The following GDF10 variants were observed in gnomAD, a reference collection of about 807,000 sequenced individuals.
GDF10 encodes the protein growth/differentiation factor 10.
Under a neutral mutation model 32.1 loss-of-function variants are expected in GDF10, and 23 were observed. The ratio of observed to expected loss-of-function variants is 0.72; its 90% CI spans 0.52 to 1.02. The LOEUF (loss-of-function observed/expected upper bound fraction) is 1.02. Ranked by LOEUF, GDF10 falls within the 50% of genes least tolerant of loss-of-function variation. The pLI is 0.00. For synonymous variants in GDF10, 328 were observed against 303.1 expected (o/e 1.08, Z -0.85); for missense variants, 764 against 673.9 (o/e 1.13, Z -1.48).
At chr10:47,301,405 C>T (rs1370600395) in intron 1 of GDF10, among the ~76,000 whole-genome samples, 5 of 152,234 alleles carry the variant, frequency 3.3e-5, no homozygotes, top group Admixed American at 6.5e-5. Context: ...CCCTAGCTGG[C>T]GTCAGCTATG....
At chr10:47,304,295 A>G (rs2061014708) in intron 1 of GDF10, among the ~76,000 whole-genome samples, 1 of 152,118 alleles carries the variant, frequency 6.6e-6, no homozygotes, top group Non-Finnish European at 1.5e-5. Context: ...TTGTTCCCCC[A>G]TAGGCAATGG....
intron 1 of GDF10, among the ~76,000 whole-genome samples, chr10:47,306,789 G>A (rs2061024442): frequency 6.6e-6 from 1 of 152,146 alleles, no homozygotes; most frequent in African/African-American, 2.4e-5. Context: ...GAAGGTGGAA[G>A]GAAGCGTGAG....
chr10:47,301,235 G>C (rs1417518762), intron 1 of GDF10, among the ~76,000 whole-genome samples: 1 of 152,234 alleles, frequency 6.6e-6, no homozygotes, highest in African/African-American at 2.4e-5. Context: ...CATACACAAG[G>C]CTGTAAGCAC....
chr10:47,307,812 A>G (rs762218812), intron 1 of GDF10, among the ~76,000 whole-genome samples: 1 of 152,378 alleles, frequency 6.6e-6, no homozygotes, highest in South Asian at 2.1e-4. Context: ...TATTTGGATC[A>G]GTGAATGCAA....
chr10:47,309,647 G>T lies in GDF10; in HGVS notation c.320-149G>T, dbSNP rs539992806. 711 of 622,974 alleles carry T rather than the reference G, an allele frequency of 1.1e-3. 3 individuals are homozygous for T. Among genetic ancestry groups the T allele is most frequent in the South Asian group, 3.2e-3 (166 of 51,566 alleles). The allele number at this position is 622,974 out of a possible 1,614,324, so 38.6% of individuals were successfully genotyped here. On this transcript the variant is annotated intron_variant, in intron 1 of 2. Coordinates refer to ENST00000580279, the MANE Select transcript of GDF10 (RefSeq NM_004962.5). The stretch of plus-strand genomic sequence containing the variant: ...GGCGCCCTCATCAGTTTCATGTGAG[G>T]ATTACACGAAAGGAGGGAAGCAAAG...
In GDF10 at chr10:47,300,795, C is replaced by A; in HGVS notation, c.144C>A (p.Asp48Glu). Reference protein sequence around the residue: ...PAWSALPAAADGLQGDRDLQR... With the variant: ...PAWSALPAAAEGLQGDRDLQR... ...GGTCCGCACTGCCCGCGGCCGCCGA[C>A]GGCCTGCAGGGGGACAGGGATCTCC... Residue 48 changes from aspartate (D) to glutamate (E), a missense_variant, in exon 1 of 3, where the codon GAC (aspartate) becomes GAA (glutamate). Coordinates refer to ENST00000580279, the MANE Select transcript of GDF10 (RefSeq NM_004962.5). The A allele has an allele frequency of 7.0e-6, 11 of 1,567,022 alleles. No individual in the cohort carries two copies. The highest frequency in any genetic ancestry group is 8.6e-6 in the Non-Finnish European group (10 of 1,162,044).
chr10:47,300,818 T>A lies in GDF10; in HGVS notation c.167T>A (p.Leu56His). Residue 56 changes from leucine to histidine, a missense_variant, in exon 1 of 3, where the codon CTC becomes CAC. Leu to His is a moderately conservative substitution (Grantham distance 99, BLOSUM62 -3). Coordinates refer to ENST00000580279, the MANE Select transcript of GDF10 (RefSeq NM_004962.5). ...AADGLQGDRD[L>H]QRHPGDAAAT... ...GACGGCCTGCAGGGGGACAGGGATC[T>A]CCAGCGGCACCCTGGGGACGCGGCC... 1 of 1,571,878 alleles carries A rather than the reference T, an allele frequency of 6.4e-7. No individual in the cohort carries two copies. Among genetic ancestry groups the A allele is most frequent in the East Asian group, 2.3e-5 (1 of 43,014 alleles).
At chr10:47,302,912 G>C (rs1319652689) in intron 1 of GDF10, among the ~76,000 whole-genome samples, 1 of 152,222 alleles carries the variant, frequency 6.6e-6, no homozygotes, top group Non-Finnish European at 1.5e-5. Context: ...AGCTGTACCA[G>C]CTACCAGGTG....
Position 47,300,561 on chromosome 10 carries a change from C to G in GDF10, c.-91C>G. 4.8e-6 allele frequency: 6 copies of G among 1,244,638 alleles called. No homozygotes were observed. Among genetic ancestry groups the G allele is most frequent in the Non-Finnish European group, 5.5e-6 (5 of 915,840 alleles). 77.1% of individuals were successfully genotyped at this position (1,244,638 alleles called of 1,614,324 possible). ...GCTGCCCGGGCTCTCCCCGCGCGCC[C>G]TACTGCCGCGAGGTCAGTCCGCAGC... is the stretch of plus-strand genomic sequence containing the variant. On this transcript the variant is annotated 5_prime_UTR_variant, in exon 1 of 3. Coordinates refer to ENST00000580279, the MANE Select transcript of GDF10 (RefSeq NM_004962.5).
intron 1 of GDF10, 34 bp downstream of exon 1, chr10:47,301,004 C>G (rs1555206816): frequency 7.5e-7 from 1 of 1,332,512 alleles, no homozygotes; most frequent in Admixed American, 3.0e-5. Flanking sequence ...CCCTTCTCCT[C>G]ATTCTCCACC....
intron 2 of GDF10, among the ~76,000 whole-genome samples, chr10:47,310,948 CTTGG>C (rs546003143): frequency 3.5e-4 from 53 of 152,294 alleles, no homozygotes; most frequent in African/African-American, 1.3e-3. Flanking sequence ...GAAGTATTGG[CTTGG>C]TTGAATTGGG....
intron 1 of GDF10, among the ~76,000 whole-genome samples, chr10:47,301,216 A>G (rs1390860562): frequency 2.0e-5 from 3 of 152,244 alleles, no homozygotes; most frequent in African/African-American, 7.2e-5. Context: ...GGACATACAC[A>G]GACTACCCCA....
At position 47,310,905 on chromosome 10, in the gene GDF10, G is replaced by T. The variant is rs149350424; in HGVS notation, c.1245+184G>T. Among the ~76,000 whole-genome samples the T allele has an allele frequency of 1.8e-4, 27 of 152,362 alleles. 1 individual carries two copies. In the East Asian group the frequency reaches 5.2e-3, roughly 29 times the overall value. On this transcript the variant is annotated intron_variant, in intron 2 of 2. Coordinates refer to ENST00000580279, the MANE Select transcript of GDF10 (RefSeq NM_004962.5). ...AGTGGCAGCCCGTAGGGTAGTTGCCGCCCACATATGTGTGAGTTTGGCTGT... is the reference window on the plus strand; with the variant it reads ...AGTGGCAGCCCGTAGGGTAGTTGCCTCCCACATATGTGTGAGTTTGGCTGT...
rs377237378 is a variant in GDF10, at chr10:47,310,082, G to A, written c.606G>A (p.Gln202=). Reference sequence around the variant, plus strand: ...CGCCCCCACCGCGCGGCCTGTGGCAGGCCAAGGACATCTCCCCCATCGTCA... The same window carrying A: ...CGCCCCCACCGCGCGGCCTGTGGCAAGCCAAGGACATCTCCCCCATCGTCA... ...ALAPPPRGLW[Q]AKDISPIVKA... The change falls in exon 2 of 3, where the codon CAG becomes CAA. Residue 202 remains glutamine (Q), a synonymous_variant. Transcript: ENST00000580279. 3.9e-5 allele frequency: 63 copies of A among 1,607,576 alleles called. No homozygotes were observed. The highest frequency in any genetic ancestry group is 4.5e-5 in the Non-Finnish European group (53 of 1,178,100).
rs373145593 is a variant in GDF10 at position 47,310,001 on chromosome 10, C to T, written c.525C>T (p.Arg175=). ...CCACACGCCAGCACCTGCTCTTCCG[C>T]AGCCTCTCGCAGAACACGGCCACAC... ...GPPTRQHLLF[R]SLSQNTATQG... is the part of the protein sequence containing the mutation. The change falls in exon 2 of 3, where the codon CGC becomes CGT. Residue 175 remains arginine (R), a synonymous_variant. Coordinates refer to ENST00000580279, the MANE Select transcript of GDF10 (RefSeq NM_004962.5). 10 of 1,609,984 alleles carry T rather than the reference C, an allele frequency of 6.2e-6. No homozygotes were observed. Among genetic ancestry groups the T allele is most frequent in the Non-Finnish European group, 8.5e-6 (10 of 1,178,416 alleles).
Position 47,312,947 on chromosome 10 carries a change from G to A in GDF10, c.*155G>A. 2.1e-6 allele frequency: 1 copy of A among 479,716 alleles called. No individual in the cohort carries two copies. The highest frequency in any genetic ancestry group is 2.0e-5 in the African/African-American group (1 of 50,578). 29.7% of individuals were successfully genotyped at this position (479,716 alleles called of 1,614,324 possible). A position where few individuals can be genotyped will look rare whatever the true frequency, so the allele number is the denominator to read the frequency against. ...GAGCTGTCCGCCAGTGCATCATTAG[G>A]GGGTCTTTCATTGCTAGTGACTAGC... On this transcript the variant is annotated 3_prime_UTR_variant, in exon 3 of 3. Transcript: ENST00000580279.
rs879964147 is a variant in GDF10, at chr10:47,300,217, G to C, written c.-435G>C. 2.0e-5 allele frequency among the ~76,000 whole-genome samples: 3 copies of C among 151,722 alleles called. No homozygotes were observed. Among genetic ancestry groups the C allele is most frequent in the East Asian group, 2.0e-4 (1 of 5,116 alleles). ...CTGCCACACACGGGCGCACGCACAC[G>C]GCAGCCGGGCCAGGGACGACCCTGT... is the stretch of plus-strand genomic sequence containing the variant. On this transcript the variant is annotated 5_prime_UTR_variant, in exon 1 of 3. Transcript: ENST00000580279.
Position 47,300,603 on chromosome 10 carries a change from C to T in GDF10, c.-49C>T, listed in dbSNP as rs1555206710. 1 of 1,507,418 alleles carries T rather than the reference C, an allele frequency of 6.6e-7. No homozygotes were observed. Among genetic ancestry groups the T allele is most frequent in the Non-Finnish European group, 8.9e-7 (1 of 1,124,838 alleles). The allele number at this position is 1,507,418 out of a possible 1,614,324, so 93.4% of individuals were successfully genotyped here. A position where few individuals can be genotyped will look rare whatever the true frequency, so the allele number is the denominator to read the frequency against. On this transcript the variant is annotated 5_prime_UTR_variant, in exon 1 of 3. Coordinates refer to ENST00000580279, the MANE Select transcript of GDF10 (RefSeq NM_004962.5). ...GTCCGCAGCCTCCGGTGCGCCAGCG[C>T]TCGCCTTCCTCCTCCTGGACTTCGG...
chr10:47,310,681 C>G lies in GDF10; in HGVS notation c.1205C>G (p.Ala402Gly), dbSNP rs1555207690. The G allele has an allele frequency of 1.2e-6, 2 of 1,613,794 alleles. No individual in the cohort carries two copies. Among genetic ancestry groups the G allele is most frequent in the Non-Finnish European group, 1.7e-6 (2 of 1,179,676 alleles). ...ATAATCTCACCGAAATCTTTTGATG[C>G]CTACTACTGCGCGGGAGCATGTGAG... ...EWIISPKSFD[A>G]YYCAGACEFP... is the part of the protein sequence containing the mutation. The change falls in exon 2 of 3, where the codon GCC (alanine) becomes GGC (glycine). Residue 402 changes from alanine to glycine, a missense_variant. Transcript: ENST00000580279.
Sources: gnomAD v4.1 joint callset for allele counts (sites outside exome capture counted in the v4.1 genomes callset) on GRCh38, gnomAD v4.1.1 for gene constraint, MANE v1.5 for transcripts, NCBI Gene and HGNC (gene_info 2026-07-23, HGNC 2026-07-21) for gene names.